The following HNRNPA3 variants were observed in gnomAD, a reference collection of about 807,000 sequenced individuals.
HNRNPA3 encodes heterogeneous nuclear ribonucleoprotein A3, also known as epididymis secretory sperm binding protein.
HNRNPA3 carries 3 observed loss-of-function variants against 45.8 expected under a neutral mutation model. That is an observed-to-expected ratio of 0.07 (90% confidence interval 0.03 to 0.17). The LOEUF (loss-of-function observed/expected upper bound fraction) is 0.17. Among genes scored for constraint, HNRNPA3 ranks in the 10% least tolerant of loss-of-function variants. The pLI is 1.00. For synonymous variants in HNRNPA3, 170 were observed against 155.6 expected (o/e 1.09, Z -0.69); for missense variants, 183 against 480.3 (o/e 0.38, Z 5.79).
At chr2:177,217,953 T>A in intron 8 of HNRNPA3, 108 bp downstream of exon 8, 1 of 1,140,924 alleles carries the variant, frequency 8.8e-7, no homozygotes, top group Admixed American at 2.9e-5. Context: ...TTTTATGTTC[T>A]ATAAGAAAAA....
chr2:177,222,316 A>G (rs1257679488), downstream of HNRNPA3: 2 of 152,248 alleles, frequency 1.3e-5, no homozygotes, highest in Non-Finnish European at 2.9e-5. Context: ...CCCCTGCGAA[A>G]TAGCCATAAG....
downstream of HNRNPA3, chr2:177,222,212 T>G (rs1689209151): frequency 6.6e-6 from 1 of 152,590 alleles, no homozygotes; most frequent in Non-Finnish European, 1.5e-5. Context: ...TTCACAACTT[T>G]GTCCCTCTCT....
At chr2:177,217,673 T>C (rs1240924151) in intron 7 of HNRNPA3, 32 bp from the exon 8 acceptor site, 2 of 1,611,630 alleles carry the variant, frequency 1.2e-6, no homozygotes, top group Non-Finnish European at 1.7e-6. Context: ...ACTTAAGTTT[T>C]TGTGTGGTCT....
intron 1 of HNRNPA3, among the ~76,000 whole-genome samples, chr2:177,213,619 G>A (rs999879437): frequency 2.6e-5 from 4 of 152,236 alleles, no homozygotes; most frequent in African/African-American, 9.6e-5. Flanking sequence ...ACCGCCATGT[G>A]GGCGAAGGAC....
downstream of HNRNPA3, chr2:177,221,062 G>A (rs1411874202): frequency 6.6e-6 from 1 of 152,576 alleles, no homozygotes; most frequent in Non-Finnish European, 1.5e-5. Flanking sequence ...TTAATATTTG[G>A]ATGCATGCAA....
intron 9 of HNRNPA3, 28 bp from the exon 10 acceptor site, chr2:177,219,216 ACTT>A (rs768129105): frequency 1.1e-5 from 17 of 1,611,432 alleles, no homozygotes; most frequent in East Asian, 6.7e-5. Context: ...AAATGTGCAT[ACTT>A]CTTTTAAAAT....
chr2:177,217,916 G>A, intron 8 of HNRNPA3, 71 bp downstream of exon 8: 4 of 1,388,252 alleles, frequency 2.9e-6, no homozygotes, highest in Non-Finnish European at 3.9e-6. Context: ...ACACATATTT[G>A]GAAAGTGTTA....
intron 1 of HNRNPA3, among the ~76,000 whole-genome samples, chr2:177,214,424 T>C (rs1317510090): frequency 6.6e-6 from 1 of 152,200 alleles, no homozygotes; most frequent in African/African-American, 2.4e-5. Context: ...CTGTTTTAAA[T>C]TAATTTGCTT....
chr2:177,219,002 T>A, intron 8 of HNRNPA3, 35 bp from the exon 9 acceptor site: 1 of 1,606,288 alleles, frequency 6.2e-7, no homozygotes, highest in South Asian at 1.1e-5. Flanking sequence ...GATGATTGTG[T>A]AGGTAAACCA....
rs760403746 is a variant in HNRNPA3, at chr2:177,215,964, T to TA, written c.343-13dup. The TA allele has an allele frequency of 1.9e-6, 3 of 1,600,880 alleles. No individual in the cohort carries two copies. Among genetic ancestry groups the TA allele is most frequent in the Non-Finnish European group, 2.6e-6 (3 of 1,176,004 alleles). ...AAGTTTGTTTCTTGACTTAATATAT[T>TA]ACTTTATTTGTAGGATTCTGTAAAG... On this transcript the variant is annotated splice_polypyrimidine_tract_variant and intron_variant, in intron 3 of 10. Transcript: ENST00000392524.
chr2:177,213,391 G>T (rs1688774086), intron 1 of HNRNPA3, among the ~76,000 whole-genome samples: 1 of 152,262 alleles, frequency 6.6e-6, no homozygotes, highest in African/African-American at 2.4e-5. Flanking sequence ...GGCAGAAAAA[G>T]CCGCAAATGG....
chr2:177,218,942 C>T (rs1249509819), intron 8 of HNRNPA3, 95 bp from the exon 9 acceptor site: 3 of 1,463,660 alleles, frequency 2.0e-6, no homozygotes, highest in Non-Finnish European at 9.3e-7. Context: ...TATAAGCATG[C>T]TACCATAATT....
chr2:177,217,421 G>A (rs1186162380), intron 7 of HNRNPA3, among the ~76,000 whole-genome samples: 2 of 152,180 alleles, frequency 1.3e-5, no homozygotes, highest in African/African-American at 4.8e-5. Flanking sequence ...GGTTGCTTGA[G>A]GTGAGGATTT....
chr2:177,212,880 G>A lies in HNRNPA3; in HGVS notation c.72+9G>A, dbSNP rs1688741467. 6 of 1,459,532 alleles carry A rather than the reference G, an allele frequency of 4.1e-6. No homozygotes were observed. The highest frequency in any genetic ancestry group is 4.6e-6 in the Non-Finnish European group (5 of 1,084,532). The allele number at this position is 1,459,532 out of a possible 1,614,324, so 90.4% of individuals were successfully genotyped here. A position where few individuals can be genotyped will look rare whatever the true frequency, so the allele number is the denominator to read the frequency against. ...GCCGCCGGGGGGAGGAGGTATTAGGGGGAGAGCGGGGGGTTGGTGGGGAAT... is the reference window on the plus strand; with the variant it reads ...GCCGCCGGGGGGAGGAGGTATTAGGAGGAGAGCGGGGGGTTGGTGGGGAAT... On this transcript the variant is annotated intron_variant, in intron 1 of 10. Coordinates refer to ENST00000392524, the Ensembl canonical transcript of HNRNPA3.
At chr2:177,218,973 T>C in intron 8 of HNRNPA3, 64 bp from the exon 9 acceptor site, 1 of 1,581,996 alleles carries the variant, frequency 6.3e-7, no homozygotes, top group South Asian at 1.1e-5. Context: ...AATAGTTACA[T>C]ACGTTAAAAG....
At chr2:177,223,907 T>G (rs1296525819), downstream of HNRNPA3, 2 of 152,186 alleles carry the variant, frequency 1.3e-5, no homozygotes, top group Non-Finnish European at 2.9e-5. Flanking sequence ...ACACTATAGG[T>G]GAATATTTTG....
chr2:177,213,933 C>G (rs770239743), intron 1 of HNRNPA3, among the ~76,000 whole-genome samples: 6 of 152,164 alleles, frequency 3.9e-5, no homozygotes, highest in Non-Finnish European at 7.3e-5. Context: ...TTATCCAAGA[C>G]TTGAAAAGAT....
At chr2:177,219,195 T>G in intron 9 of HNRNPA3, 36 bp downstream of exon 9, 1 of 1,610,294 alleles carries the variant, frequency 6.2e-7, no homozygotes, top group Non-Finnish European at 8.5e-7. Context: ...TTAGAGCCTT[T>G]TTAATTTAAA....
Position 177,213,963 on chromosome 2 carries a change from C to T in HNRNPA3, c.72+1092C>T, listed in dbSNP as rs542965802. 3.3e-4 allele frequency among the ~76,000 whole-genome samples: 50 copies of T among 152,280 alleles called. 1 individual carries two copies. In the South Asian group the frequency reaches 0.01, roughly 31 times the overall value. On this transcript the variant is annotated intron_variant, in intron 1 of 10. Transcript: ENST00000392524. ...AAAGATGAGATTACATGAATTAATGCTTTAGGCTATTAACGTTTTTTTCTA... is the reference window on the plus strand; with the variant it reads ...AAAGATGAGATTACATGAATTAATGTTTTAGGCTATTAACGTTTTTTTCTA...
Sources: allele counts gnomAD v4.1 joint callset (sites outside exome capture counted in the v4.1 genomes callset), GRCh38; gene constraint gnomAD v4.1.1; transcripts MANE v1.5; gene names NCBI Gene and HGNC (gene_info 2026-07-23, HGNC 2026-07-21).